Variants in TEX15 observed in about 807,000 individuals in gnomAD.
TEX15 encodes testis expressed 15, meiosis and synapsis associated.
Under a neutral mutation model 237.3 loss-of-function variants are expected in TEX15, and 171 were observed. The ratio of observed to expected loss-of-function variants is 0.72; its 90% CI spans 0.64 to 0.82. TEX15 has a LOEUF of 0.82. Ranked by LOEUF, TEX15 falls within the 40% of genes least tolerant of loss-of-function variation. The probability of loss-of-function intolerance (pLI) is 0.00; values close to 1 mark genes in which losing one functional copy is unlikely to be tolerated. For synonymous variants in TEX15, 1,338 were observed against 1,269.8 expected (o/e 1.05, Z -1.14); for missense variants, 3,750 against 3,646.5 (o/e 1.03, Z -0.73).
intron 10 of TEX15, among the ~76,000 whole-genome samples, chr8:30,836,408 T>G (rs766071780): frequency 1.3e-5 from 2 of 151,894 alleles, no homozygotes; most frequent in African/African-American, 2.4e-5. Context: ...CAGATGGGGT[T>G]TCACTATGTT....
chr8:30,883,048 G>A (rs57748946), intron 3 of TEX15, among the ~76,000 whole-genome samples: 19,808 of 152,128 alleles, frequency 0.13, 2,190 homozygotes, highest in African/African-American at 0.3. Flanking sequence ...TGGGATTACA[G>A]GTATGAGCCA....
At chr8:30,860,888 T>C (rs913604887) in intron 5 of TEX15, among the ~76,000 whole-genome samples, 8 of 151,980 alleles carry the variant, frequency 5.3e-5, no homozygotes, top group Non-Finnish European at 8.8e-5. Context: ...AATTTTAAAA[T>C]GTACTTGGAA....
At chr8:30,911,348 C>T (rs1809214942) in intron 1 of TEX15, among the ~76,000 whole-genome samples, 1 of 152,068 alleles carries the variant, frequency 6.6e-6, no homozygotes. Context: ...GACGGGATTT[C>T]CCCATGTTGC....
Position 30,842,701 on chromosome 8 carries a change from TG to T in TEX15, c.7465del (p.Gln2489LysfsTer22). ...AAATGAAAAAGAAGCCATTTTTTCT[TG>T]GCACTGAACCAGCTCAGGAAGAAGT... ...LSLLPELVQC[Q>X]EKMASFSFLK... On this transcript the variant is annotated frameshift_variant, in exon 8 of 11. Transcript: ENST00000643185. LOFTEE classifies it high-confidence loss of function. 6.2e-7 allele frequency: 1 copy of T among 1,613,350 alleles called. No homozygotes were observed. Among genetic ancestry groups the T allele is most frequent in the Non-Finnish European group, 8.5e-7 (1 of 1,179,830 alleles).
At chr8:30,906,472 CCCAGCTA>C (rs1809105034) in intron 1 of TEX15, among the ~76,000 whole-genome samples, 1 of 151,972 alleles carries the variant, frequency 6.6e-6, no homozygotes, top group Non-Finnish European at 1.5e-5. Flanking sequence ...CACCTGTAAT[CCCAGCTA>C]CTCAGGAGGC....
At chr8:30,912,014 CT>C (rs1809230262) in intron 1 of TEX15, among the ~76,000 whole-genome samples, 1 of 152,192 alleles carries the variant, frequency 6.6e-6, no homozygotes, top group Admixed American at 6.5e-5. Flanking sequence ...TCCACTCAGC[CT>C]TACAACAGCC....
chr8:30,904,685 G>T (rs1809064910), intron 1 of TEX15, among the ~76,000 whole-genome samples: 1 of 152,046 alleles, frequency 6.6e-6, no homozygotes. Context: ...ATGTCAATGA[G>T]GTGTGCATGA....
At chr8:30,902,314 C>CTT (rs1809024877) in intron 1 of TEX15, among the ~76,000 whole-genome samples, 3 of 150,318 alleles carry the variant, frequency 2.0e-5, no homozygotes, top group Admixed American at 2.0e-4. Context: ...GGGAACTTCA[C>CTT]TTTCAGGCTT....
At chr8:30,834,291 G>T (rs978862930) in intron 10 of TEX15, among the ~76,000 whole-genome samples, 1 of 152,072 alleles carries the variant, frequency 6.6e-6, no homozygotes, top group African/African-American at 2.4e-5. Flanking sequence ...TGCTGCCTCA[G>T]CCTCCCATGT....
chr8:30,846,540 A>G lies in TEX15; in HGVS notation c.3627T>C (p.Pro1209=). The change falls in exon 8 of 11, where the codon CCT becomes CCC. Residue 1209 remains proline (P), a synonymous_variant. Coordinates refer to ENST00000643185, the MANE Select transcript of TEX15 (RefSeq NM_001350162.2). ...ATGGATAATCTGCATTTTCACCAAA[A>G]GGCTGGGAATAAATGTCAAATCCTA... ...EILGFDIYSQ[P]FGENADYPCE... The G allele has an allele frequency of 6.2e-7, 1 of 1,613,786 alleles. No individual in the cohort carries two copies. The highest frequency in any genetic ancestry group is 8.5e-7 in the Non-Finnish European group (1 of 1,179,768).
At chr8:30,893,213 A>C (rs1469271351) in intron 2 of TEX15, among the ~76,000 whole-genome samples, 2 of 152,184 alleles carry the variant, frequency 1.3e-5, no homozygotes, top group Non-Finnish European at 2.9e-5. Context: ...CAGGGAAGTT[A>C]AATAATATGT....
At chr8:30,838,773 C>CATATATATATAT (rs34610592) in intron 9 of TEX15, among the ~76,000 whole-genome samples, 1 of 65,460 alleles carries the variant, frequency 1.5e-5, no homozygotes, top group Non-Finnish European at 3.2e-5. Context: ...TATATAAAAA[C>CATATATATATAT]ATATATATAT....
In TEX15 at chr8:30,847,035, T is replaced by C; in HGVS notation, c.3132A>G (p.Gln1044=). The change falls in exon 8 of 11, where the codon CAA becomes CAG. Residue 1044 remains glutamine (Q), a synonymous_variant. Transcript: ENST00000643185. ...DKNKSQESFH[Q]SINENLVLQS... is the part of the protein sequence containing the mutation. Reference sequence around the variant, plus strand: ...GAAGAACTAAGTTCTCATTTATTGATTGATGAAATGATTCTTGTGATTTAT... The same window carrying C: ...GAAGAACTAAGTTCTCATTTATTGACTGATGAAATGATTCTTGTGATTTAT... 6.2e-7 allele frequency: 1 copy of C among 1,612,444 alleles called. No individual in the cohort carries two copies. Among genetic ancestry groups the C allele is most frequent in the Non-Finnish European group, 8.5e-7 (1 of 1,178,820 alleles).
chr8:30,853,890 T>C (rs571588797), intron 7 of TEX15, among the ~76,000 whole-genome samples: 2 of 152,050 alleles, frequency 1.3e-5, no homozygotes, highest in East Asian at 3.9e-4. Flanking sequence ...ATAAAAAACA[T>C]GGTCTGAAAA....
rs1044597306 is a variant in TEX15 at position 30,912,730 on chromosome 8, A to T, written c.-86+149T>A. The stretch of plus-strand genomic sequence containing the variant: ...CATTTTTAAAAAATTTATTATTTTT[A>T]AAAATAAATTTAATCGGGAAGCTCC... On this transcript the variant is annotated intron_variant, in intron 1 of 10. Coordinates refer to ENST00000643185, the MANE Select transcript of TEX15 (RefSeq NM_001350162.2). 9.2e-5 allele frequency: 14 copies of T among 152,370 alleles called. 2 individuals are homozygous for T. The highest frequency in any genetic ancestry group is 4.1e-4 in the South Asian group (2 of 4,830). 9.4% of individuals were successfully genotyped at this position (152,370 alleles called of 1,614,324 possible). A position where few individuals can be genotyped will look rare whatever the true frequency, so the allele number is the denominator to read the frequency against.
intron 2 of TEX15, among the ~76,000 whole-genome samples, chr8:30,898,027 G>A (rs1305836700): frequency 6.6e-6 from 1 of 152,058 alleles, no homozygotes; most frequent in Non-Finnish European, 1.5e-5. Context: ...TACCACAAAT[G>A]TTCTAAGCGA....
intron 1 of TEX15, among the ~76,000 whole-genome samples, chr8:30,906,163 A>G (rs1479547780): frequency 6.6e-6 from 1 of 152,202 alleles, no homozygotes; most frequent in Non-Finnish European, 1.5e-5. Context: ...TGTATGTTTA[A>G]TCAAATAAAG....
At chr8:30,838,964 C>T (rs1207707891) in intron 9 of TEX15, among the ~76,000 whole-genome samples, 3 of 151,042 alleles carry the variant, frequency 2.0e-5, no homozygotes, top group Admixed American at 6.6e-5. Context: ...TACAGGCACC[C>T]GCCACTATGC....
Position 30,845,425 on chromosome 8 carries a change from C to T in TEX15, c.4742G>A (p.Ser1581Asn), listed in dbSNP as rs768506727. The stretch of plus-strand genomic sequence containing the variant: ...TTCAAGCTTTTCATATTTACTAGTG[C>T]TAGATAAAAATGCTGTATCAATTTG... ...ENQIDTAFLS[S>N]TSKYEKLEKH... The change falls in exon 8 of 11, where the codon AGC becomes AAC. Residue 1581 changes from serine (S) to asparagine (N), a missense_variant. Coordinates refer to ENST00000643185, the MANE Select transcript of TEX15 (RefSeq NM_001350162.2). 6.2e-7 allele frequency: 1 copy of T among 1,612,058 alleles called. No homozygotes were observed. Among genetic ancestry groups the T allele is most frequent in the African/African-American group, 1.3e-5 (1 of 74,848 alleles).
Sources: allele counts gnomAD v4.1 joint callset (sites outside exome capture counted in the v4.1 genomes callset), GRCh38; gene constraint gnomAD v4.1.1; transcripts MANE v1.5; gene names NCBI Gene and HGNC (gene_info 2026-07-23, HGNC 2026-07-21).